The following CADPS2 variants were observed in gnomAD, a reference collection of about 807,000 sequenced individuals.
The protein encoded by CADPS2 is calcium dependent secretion activator 2, also known as calcium-dependent secretion activator 2.
Under a neutral mutation model 172.5 loss-of-function variants are expected in CADPS2, and 93 were observed. That is an observed-to-expected ratio of 0.54 (90% CI 0.46 to 0.64). CADPS2 has a LOEUF of 0.64. Ranked by LOEUF, CADPS2 falls within the 30% of genes least tolerant of loss-of-function variation. The probability of loss-of-function intolerance (pLI) is 0.00; values close to 1 mark genes in which losing one functional copy is unlikely to be tolerated. For missense variants in CADPS2, 1,420 were observed against 1,565.9 expected (o/e 0.91, Z 1.57); for synonymous variants, 546 against 555.2 (o/e 0.98, Z 0.23).
intron 17 of CADPS2, among the ~76,000 whole-genome samples, chr7:122,419,189 A>G (rs992201806): frequency 3.3e-5 from 5 of 152,226 alleles, no homozygotes; most frequent in African/African-American, 1.2e-4. Flanking sequence ...CAGAATAATT[A>G]TGGGAGGAAA....
At chr7:122,538,375 TA>T (rs1365127583) in intron 8 of CADPS2, among the ~76,000 whole-genome samples, 2 of 144,166 alleles carry the variant, frequency 1.4e-5, no homozygotes, top group African/African-American at 2.5e-5. Flanking sequence ...TTTTTTTTTT[TA>T]AAAACACAAG....
At chr7:122,320,640 C>G (rs1304110759) in intron 29 of CADPS2, among the ~76,000 whole-genome samples, 1 of 152,006 alleles carries the variant, frequency 6.6e-6, no homozygotes, top group African/African-American at 2.4e-5. Context: ...CAACCTGTAG[C>G]AAAAATAAAA....
chr7:122,858,224 T>C (rs1268956258), intron 1 of CADPS2, among the ~76,000 whole-genome samples: 2 of 152,034 alleles, frequency 1.3e-5, no homozygotes, highest in Non-Finnish European at 2.9e-5. Flanking sequence ...ACAGAAAAGT[T>C]CTCCAAGTCC....
At chr7:122,349,027 A>T (rs2038125996) in intron 27 of CADPS2, among the ~76,000 whole-genome samples, 1 of 152,176 alleles carries the variant, frequency 6.6e-6, no homozygotes, top group Non-Finnish European at 1.5e-5. Flanking sequence ...ATTAAGTGTT[A>T]TAAGAATATG....
chr7:122,528,441 G>A (rs1175680474), intron 8 of CADPS2, among the ~76,000 whole-genome samples: 1 of 152,066 alleles, frequency 6.6e-6, no homozygotes, highest in Non-Finnish European at 1.5e-5. Context: ...TTAAGAAATT[G>A]CTACTTATCA....
In CADPS2 at chr7:122,541,832, CATATGTTTATATATT is replaced by C. The variant is rs2063090351; in HGVS notation, c.1475+12703_1475+12717del. On this transcript the variant is annotated intron_variant, in intron 8 of 29. Coordinates refer to ENST00000449022, the MANE Select transcript of CADPS2 (RefSeq NM_017954.11). ...TTATATATTCATATGTTTATATATT[CATATGTTTATATATT>C]CATATATATTTATATATATGCATAT... Among the ~76,000 whole-genome samples, 18 of 91,558 alleles carry C rather than the reference CATATGTTTATATATT, an allele frequency of 2.0e-4. No homozygotes were observed. In the South Asian group the frequency reaches 5.2e-3, roughly 26 times the overall value. The allele number at this position is 91,558 out of a possible 152,430, so 60.1% of individuals were successfully genotyped here.
chr7:122,572,404 C>T (rs991332050), intron 7 of CADPS2, among the ~76,000 whole-genome samples: 3 of 152,102 alleles, frequency 2.0e-5, no homozygotes, highest in African/African-American at 7.2e-5. Flanking sequence ...GACTCAGCAT[C>T]CTTCTGTATA....
chr7:122,322,150 C>T (rs2032693359), intron 29 of CADPS2, among the ~76,000 whole-genome samples: 1 of 152,152 alleles, frequency 6.6e-6, no homozygotes, highest in African/African-American at 2.4e-5. Context: ...ACATGTCAAA[C>T]ATAAAGTATT....
intron 8 of CADPS2, among the ~76,000 whole-genome samples, chr7:122,553,607 C>G (rs2064607620): frequency 6.6e-6 from 1 of 152,102 alleles, no homozygotes; most frequent in Admixed American, 6.6e-5. Context: ...CTGCCCAGAG[C>G]CTAACTTTGT....
Position 122,582,133 on chromosome 7 carries a change from A to G in CADPS2, c.1224-843T>C, listed in dbSNP as rs147784737. ...GAGCAAAATACCAGAGAAAAAAATG[A>G]GATTTAACAAAATACAGATCATGTT... On this transcript the variant is annotated intron_variant, in intron 6 of 29. Transcript: ENST00000449022. Among the ~76,000 whole-genome samples, 383 of 152,286 alleles carry G rather than the reference A, an allele frequency of 2.5e-3. 1 individual carries two copies. Among genetic ancestry groups the G allele is most frequent in the African/African-American group, 8.0e-3 (333 of 41,588 alleles).
chr7:122,356,549 C>T (rs1330128120), intron 27 of CADPS2, among the ~76,000 whole-genome samples: 1 of 152,146 alleles, frequency 6.6e-6, no homozygotes, highest in Admixed American at 6.5e-5. Flanking sequence ...ACATCCCACA[C>T]TTAAGGAGTA....
In CADPS2 at chr7:122,544,050, C is replaced by A. The variant is rs745318541; in HGVS notation, c.1475+10500G>T. Among the ~76,000 whole-genome samples the A allele has an allele frequency of 2.1e-4, 32 of 152,064 alleles. 1 individual carries two copies. Among genetic ancestry groups the A allele is most frequent in the Non-Finnish European group, 4.3e-4 (29 of 68,018 alleles). ...TCTTGTAAAGATAAACATTCACATTCTTACGAGCTCAGCAGTTCCACTCCT... is the reference window on the plus strand; with the variant it reads ...TCTTGTAAAGATAAACATTCACATTATTACGAGCTCAGCAGTTCCACTCCT... On this transcript the variant is annotated intron_variant, in intron 8 of 29. Transcript: ENST00000449022.
chr7:122,375,224 CA>C (rs148267987), intron 25 of CADPS2, among the ~76,000 whole-genome samples: 5,298 of 152,066 alleles, frequency 0.035, 160 homozygotes, highest in Non-Finnish European at 0.051. Flanking sequence ...TCTGGAACCA[CA>C]AAAAGCTTCA....
At chr7:122,827,829 A>T (rs897454936) in intron 1 of CADPS2, among the ~76,000 whole-genome samples, 4 of 152,204 alleles carry the variant, frequency 2.6e-5, no homozygotes, top group Admixed American at 2.0e-4. Context: ...AAAACTCCTT[A>T]AAAAATATCA....
At chr7:122,702,284 C>T (rs529973684) in intron 2 of CADPS2, 11 of 1,613,816 alleles carry the variant, frequency 6.8e-6, no homozygotes, top group South Asian at 6.6e-5. Context: ...TTTCAGGTTG[C>T]TTATCATCAC....
At chr7:122,554,734 G>GT (rs2064809147) in intron 7 of CADPS2, 45 bp from the exon 8 acceptor site, 2 of 1,467,580 alleles carry the variant, frequency 1.4e-6, no homozygotes, top group Admixed American at 5.3e-5. Context: ...GATACGGAGT[G>GT]TCTATGGGTT....
In CADPS2 at chr7:122,872,371, AT is replaced by A. The variant is rs529795793; in HGVS notation, c.339+13627del. 2.4e-3 allele frequency among the ~76,000 whole-genome samples: 367 copies of A among 152,194 alleles called. 1 individual carries two copies. The highest frequency in any genetic ancestry group is 8.0e-3 in the African/African-American group (334 of 41,536). On this transcript the variant is annotated intron_variant, in intron 1 of 29. Coordinates refer to ENST00000449022, the MANE Select transcript of CADPS2 (RefSeq NM_017954.11). ...AGGTGTTCCAGTTAAAAACAATGAG[AT>A]TCATTATAGGAACCTTTGTTTTGTC...
chr7:122,597,086 C>A (rs577457878), intron 6 of CADPS2, among the ~76,000 whole-genome samples: 2 of 152,124 alleles, frequency 1.3e-5, no homozygotes, highest in East Asian at 3.9e-4. Context: ...CAAGAACTCA[C>A]TCAAGCCATT....
chr7:122,385,839 T>C (rs1271828483), intron 24 of CADPS2, among the ~76,000 whole-genome samples: 9 of 152,092 alleles, frequency 5.9e-5, no homozygotes, highest in African/African-American at 1.9e-4. Context: ...TGTGGCCTCC[T>C]GGTTCAAGTT....
Sources: allele counts gnomAD v4.1 joint callset (sites outside exome capture counted in the v4.1 genomes callset), GRCh38; gene constraint gnomAD v4.1.1; transcripts MANE v1.5; gene names NCBI Gene and HGNC (gene_info 2026-07-23, HGNC 2026-07-21).